FAM83H: variants seen among roughly 807,000 people sequenced by gnomAD.
The protein encoded by FAM83H is protein FAM83H.
A neutral mutation model predicts 30.2 loss-of-function variants in FAM83H; 24 were observed. The ratio of observed to expected loss-of-function variants is 0.79; its 90% confidence interval spans 0.57 to 1.12. FAM83H has a LOEUF of 1.12. Among genes scored for constraint, FAM83H ranks in the 50% most tolerant of loss-of-function variants. The pLI is 0.00. For synonymous variants in FAM83H, 1,013 were observed against 821.7 expected (o/e 1.23, Z -3.98); for missense variants, 2,038 against 1,773.9 (o/e 1.15, Z -2.67).
chr8:143,726,649 T>C lies in FAM83H; in HGVS notation c.2812A>G (p.Thr938Ala), dbSNP rs1818306053. The part of the protein sequence containing the change: ...PPVPERRGSL[T>A]LTISGESPKA... Reference sequence around the variant, plus strand: ...GGGGACTCCCCGGAGATGGTAAGGGTGAGGCTGCCCCTGCGCTCCGGCACG... The same window carrying C: ...GGGGACTCCCCGGAGATGGTAAGGGCGAGGCTGCCCCTGCGCTCCGGCACG... Residue 938 changes from threonine (T) to alanine (A), a missense_variant, in exon 5 of 5, where the codon ACC becomes GCC. Transcript: ENST00000388913. The C allele has an allele frequency of 6.3e-7, 1 of 1,597,598 alleles. No individual in the cohort carries two copies. The highest frequency in any genetic ancestry group is 8.5e-7 in the Non-Finnish European group (1 of 1,177,400).
rs1273496283 is a variant in FAM83H, at chr8:143,725,430, T to C, written c.*491A>G. Reference sequence around the variant, plus strand: ...GGCCAACATAGTGAAACCCTGTCTCTACTAAAAATACAAAAACTACCTGGG... The same window carrying C: ...GGCCAACATAGTGAAACCCTGTCTCCACTAAAAATACAAAAACTACCTGGG... On this transcript the variant is annotated 3_prime_UTR_variant, in exon 5 of 5. Transcript: ENST00000388913. 1 of 179,086 alleles carries C rather than the reference T, an allele frequency of 5.6e-6. No individual in the cohort carries two copies. Among genetic ancestry groups the C allele is most frequent in the Non-Finnish European group, 1.2e-5 (1 of 83,742 alleles). The allele number at this position is 179,086 out of a possible 1,614,324, so 11.1% of individuals were successfully genotyped here.
Position 143,727,229 on chromosome 8 carries a change from T to A in FAM83H, c.2232A>T (p.Pro744=). ...VAELLEKYKG[P]ARDPGGGAGA... is the part of the protein sequence containing the mutation. ...CCGCGCCGCCGCCGGGATCACGGGC[T>A]GGGCCCTTGTACTTCTCCAGCAGCT... is the stretch of plus-strand genomic sequence containing the variant. Residue 744 remains proline, a synonymous_variant, in exon 5 of 5, where the codon CCA becomes CCT. Transcript: ENST00000388913. 6.5e-7 allele frequency: 1 copy of A among 1,534,490 alleles called. No individual in the cohort carries two copies. The highest frequency in any genetic ancestry group is 8.7e-7 in the Non-Finnish European group (1 of 1,146,004).
chr8:143,732,720 G>A, intron 1 of FAM83H: 1 of 985,414 alleles, frequency 1.0e-6, no homozygotes, highest in Non-Finnish European at 1.2e-6. Context: ...CCTGGGCTAT[G>A]GACGGGGCTG....
In FAM83H at chr8:143,730,415, C is replaced by T; in HGVS notation, c.168G>A (p.Leu56=). ...TCACATGTTCCAGCTCTTCAGGGCA[C>T]AGGAAGTCTGGTGCCCCCTCGGTAG... is the stretch of plus-strand genomic sequence containing the variant. The part of the protein sequence containing the change: ...FLATEGAPDF[L]CPEELEHVSR... The change falls in exon 2 of 5, where the codon CTG becomes CTA. Residue 56 remains leucine, a synonymous_variant. Coordinates refer to ENST00000388913, the MANE Select transcript of FAM83H (RefSeq NM_198488.5). 1 of 1,613,136 alleles carries T rather than the reference C, an allele frequency of 6.2e-7. No individual in the cohort carries two copies. The highest frequency in any genetic ancestry group is 1.1e-5 in the South Asian group (1 of 91,084).
Position 143,728,530 on chromosome 8 carries a change from C to T in FAM83H, c.931G>A (p.Val311Ile). Residue 311 changes from valine (V) to isoleucine (I), a missense_variant, in exon 5 of 5, where the codon GTC becomes ATC. By Grantham distance (29) the Val-to-Ile change is conservative. Coordinates refer to ENST00000388913, the MANE Select transcript of FAM83H (RefSeq NM_198488.5). ...GGGGTTGGCGCCCCGACCCCAGGGA[C>T]GCCCACGAGAGGCCCGGCCCCGGCA... ...PYAGAGPLVGVPGVGAPTPFS... is the reference protein window; with the variant it reads ...PYAGAGPLVGIPGVGAPTPFS... 1 of 1,564,984 alleles carries T rather than the reference C, an allele frequency of 6.4e-7. No individual in the cohort carries two copies. Among genetic ancestry groups the T allele is most frequent in the Non-Finnish European group, 8.7e-7 (1 of 1,155,176 alleles).
Position 143,726,807 on chromosome 8 carries a change from C to T in FAM83H, c.2654G>A (p.Gly885Glu), listed in dbSNP as rs1554622077. The T allele has an allele frequency of 6.2e-7, 1 of 1,612,526 alleles. No homozygotes were observed. The highest frequency in any genetic ancestry group is 2.2e-5 in the East Asian group (1 of 44,864). Reference sequence around the variant, plus strand: ...TGGACTTCCTCTTCGAGTGGAAAACCCAGGCGTGGGGCTCCCCTTCCGCTC... The same window carrying T: ...TGGACTTCCTCTTCGAGTGGAAAACTCAGGCGTGGGGCTCCCCTTCCGCTC... ...YPERKGSPTP[G>E]FSTRRGSPTT... Residue 885 changes from glycine to glutamate, a missense_variant, in exon 5 of 5, where the codon GGG becomes GAG. Physicochemically the swap from Gly to Glu is moderately conservative, Grantham distance 98. Coordinates refer to ENST00000388913, the MANE Select transcript of FAM83H (RefSeq NM_198488.5).
chr8:143,727,188 G>A lies in FAM83H; in HGVS notation c.2273C>T (p.Ala758Val). The A allele has an allele frequency of 5.9e-6, 9 of 1,533,556 alleles. No homozygotes were observed. The highest frequency in any genetic ancestry group is 7.9e-6 in the Non-Finnish European group (9 of 1,145,480). 95.0% of individuals were successfully genotyped at this position (1,533,556 alleles called of 1,614,324 possible). Residue 758 changes from alanine (A) to valine (V), a missense_variant, in exon 5 of 5, where the codon GCC becomes GTC. Coordinates refer to ENST00000388913, the MANE Select transcript of FAM83H (RefSeq NM_198488.5). ...GGACACGACGGCCTTGCTGTGGCTG[G>A]CAACGGTGATGGCGCCCGCGCCGCC... ...PGGGAGAITV[A>V]SHSKAVVSQA...
intron 1 of FAM83H, chr8:143,732,742 G>C (rs1209192711): frequency 3.0e-6 from 3 of 985,224 alleles, no homozygotes; most frequent in African/African-American, 1.7e-5. Context: ...AGCCACTCCC[G>C]AGCCCAAGAT....
In FAM83H at chr8:143,725,567, G is replaced by T; in HGVS notation, c.*354C>A. On this transcript the variant is annotated 3_prime_UTR_variant, in exon 5 of 5. Transcript: ENST00000388913. ...GCCCAGACCGCTCAACTGCACTCCA[G>T]CCCTAGGTCTCAAAAAAATAAAGGG... 1 of 407,428 alleles carries T rather than the reference G, an allele frequency of 2.5e-6. No homozygotes were observed. The highest frequency in any genetic ancestry group is 4.5e-6 in the Non-Finnish European group (1 of 220,748). The allele number at this position is 407,428 out of a possible 1,614,324, so 25.2% of individuals were successfully genotyped here. A position where few individuals can be genotyped will look rare whatever the true frequency, so the allele number is the denominator to read the frequency against.
Position 143,727,243 on chromosome 8 carries a change from TC to T in FAM83H, c.2217del (p.Lys740SerfsTer234). ...GGATCACGGGCTGGGCCCTTGTACT[TC>T]TCCAGCAGCTCCGCCACCTTGGTGG... ...AASTKVAELL[E>X]KYKGPARDPG... is the part of the protein sequence containing the mutation. On this transcript the variant is annotated frameshift_variant, in exon 5 of 5. Transcript: ENST00000388913. LOFTEE classifies it low-confidence loss of function (END_TRUNC). 1 of 1,534,884 alleles carries T rather than the reference TC, an allele frequency of 6.5e-7. No individual in the cohort carries two copies. Among genetic ancestry groups the T allele is most frequent in the Non-Finnish European group, 8.7e-7 (1 of 1,146,270 alleles).
Position 143,727,697 on chromosome 8 carries a change from G to T in FAM83H, c.1764C>A (p.Ser588Arg). 1 of 1,557,542 alleles carries T rather than the reference G, an allele frequency of 6.4e-7. No individual in the cohort carries two copies. The highest frequency in any genetic ancestry group is 2.4e-5 in the East Asian group (1 of 41,704). ...CGCCCCCATCCTCGCCGTGGCAGCCGCTCAAGTAGGAGGCCAAACGCCAGC... is the reference window on the plus strand; with the variant it reads ...CGCCCCCATCCTCGCCGTGGCAGCCTCTCAAGTAGGAGGCCAAACGCCAGC... ...LRRWRLASYL[S>R]GCHGEDGGDD... Residue 588 changes from serine to arginine, a missense_variant, in exon 5 of 5, where the codon AGC becomes AGA. By Grantham distance (110) the Ser-to-Arg change is moderately radical. Coordinates refer to ENST00000388913, the MANE Select transcript of FAM83H (RefSeq NM_198488.5).
chr8:143,730,630 G>A (rs780546348), intron 1 of FAM83H, 33 bp from the exon 2 acceptor site: 198 of 1,415,412 alleles, frequency 1.4e-4, no homozygotes, highest in Non-Finnish European at 1.0e-4. Flanking sequence ...GACTAGGGGT[G>A]GGGGCACTGG....
chr8:143,727,314 C>T lies in FAM83H; in HGVS notation c.2147G>A (p.Ser716Asn). Reference sequence around the variant, plus strand: ...CTCTCCGCCGGGCCCCAGCGTCTCGCTGACCGTCTGCTCCTTGTGCAGCAG... The same window carrying T: ...CTCTCCGCCGGGCCCCAGCGTCTCGTTGACCGTCTGCTCCTTGTGCAGCAG... ...VQLLHKEQTV[S>N]ETLGPGGEAV... is the part of the protein sequence containing the mutation. Residue 716 changes from serine (S) to asparagine (N), a missense_variant, in exon 5 of 5, where the codon AGC becomes AAC. Ser to Asn is a conservative substitution (Grantham distance 46, BLOSUM62 1). Transcript: ENST00000388913. 1 of 1,548,544 alleles carries T rather than the reference C, an allele frequency of 6.5e-7. No homozygotes were observed. Among genetic ancestry groups the T allele is most frequent in the Non-Finnish European group, 8.7e-7 (1 of 1,153,816 alleles).
In FAM83H at chr8:143,726,943, T is replaced by C. The variant is rs782514192; in HGVS notation, c.2518A>G (p.Ser840Gly). 1 of 1,611,290 alleles carries C rather than the reference T, an allele frequency of 6.2e-7. No individual in the cohort carries two copies. Among genetic ancestry groups the C allele is most frequent in the Non-Finnish European group, 8.5e-7 (1 of 1,179,440 alleles). Residue 840 changes from serine to glycine, a missense_variant, in exon 5 of 5, where the codon AGC becomes GGC. Coordinates refer to ENST00000388913, the MANE Select transcript of FAM83H (RefSeq NM_198488.5). Reference protein sequence around the residue: ...RLPSRFLSAQSHSTSPQGLDS... With the variant: ...RLPSRFLSAQGHSTSPQGLDS... The stretch of plus-strand genomic sequence containing the variant: ...AGCCCTTGCGGGGACGTTGAGTGGC[T>C]CTGGGCAGAGAGGAAGCGGGAAGGC...
In FAM83H at chr8:143,728,017, C is replaced by A. The variant is rs1299896407; in HGVS notation, c.1444G>T (p.Gly482Cys). 1 of 1,601,694 alleles carries A rather than the reference C, an allele frequency of 6.2e-7. No individual in the cohort carries two copies. The highest frequency in any genetic ancestry group is 8.5e-7 in the Non-Finnish European group (1 of 1,178,262). Residue 482 changes from glycine (G) to cysteine (C), a missense_variant, in exon 5 of 5, where the codon GGT becomes TGT. By Grantham distance (159) the Gly-to-Cys change is radical. Transcript: ENST00000388913. ...GTGAAGTCATCCGGGTCCGCGAAAC[C>A]CGCGCGGCCCCCGCGAAGCTTCTCG... ...LFEKLRGGRA[G>C]FADPDDFTLG...
chr8:143,725,858 G>T lies in FAM83H; in HGVS notation c.*63C>A. The T allele has an allele frequency of 2.5e-6, 4 of 1,589,330 alleles. No individual in the cohort carries two copies. Among genetic ancestry groups the T allele is most frequent in the Non-Finnish European group, 3.4e-6 (4 of 1,167,082 alleles). Reference sequence around the variant, plus strand: ...GATGAGCAGGGCTCTCTGTTCCGCGGGGCTTCTGGATGACCGGGGCAGCGA... The same window carrying T: ...GATGAGCAGGGCTCTCTGTTCCGCGTGGCTTCTGGATGACCGGGGCAGCGA... On this transcript the variant is annotated 3_prime_UTR_variant, in exon 5 of 5. Transcript: ENST00000388913.
rs782323204 is a variant in FAM83H, at chr8:143,727,225, G to A, written c.2236C>T (p.Arg746Cys). The stretch of plus-strand genomic sequence containing the variant: ...GCGCCCGCGCCGCCGCCGGGATCAC[G>A]GGCTGGGCCCTTGTACTTCTCCAGC... ...ELLEKYKGPA[R>C]DPGGGAGAIT... Residue 746 changes from arginine (R) to cysteine (C), a missense_variant, in exon 5 of 5, where the codon CGT becomes TGT. Coordinates refer to ENST00000388913, the MANE Select transcript of FAM83H (RefSeq NM_198488.5). 756 of 1,533,918 alleles carry A rather than the reference G, an allele frequency of 4.9e-4. 7 individuals are homozygous for A. Among genetic ancestry groups the A allele is most frequent in the Admixed American group, 1.8e-4 (9 of 50,906 alleles).
Position 143,724,958 on chromosome 8 carries a change from C to G in FAM83H, c.*963G>C, listed in dbSNP as rs1554621048. ...CCCGTCCCCAGAGGCCTGCCCTGTC[C>G]AGCTTCCTTGCCACTCCAAGGGGCA... On this transcript the variant is annotated 3_prime_UTR_variant, in exon 5 of 5. Transcript: ENST00000388913. 6.6e-6 allele frequency: 1 copy of G among 152,242 alleles called. No individual in the cohort carries two copies. Among genetic ancestry groups the G allele is most frequent in the Non-Finnish European group, 1.5e-5 (1 of 68,150 alleles). 9.4% of individuals were successfully genotyped at this position (152,242 alleles called of 1,614,324 possible).
In FAM83H at chr8:143,723,988, G is replaced by A. The variant is rs1239963563; in HGVS notation, c.*1933C>T. The A allele has an allele frequency of 6.6e-6, 1 of 152,256 alleles. No homozygotes were observed. The highest frequency in any genetic ancestry group is 1.5e-5 in the Non-Finnish European group (1 of 68,064). 9.4% of individuals were successfully genotyped at this position (152,256 alleles called of 1,614,324 possible). A position where few individuals can be genotyped will look rare whatever the true frequency, so the allele number is the denominator to read the frequency against. ...AAATGTGCCACATCATGGTTTAGAA[G>A]AGGTGGAGGGTGCAGGCAGGAGGCT... On this transcript the variant is annotated 3_prime_UTR_variant, in exon 5 of 5. Transcript: ENST00000388913.
Sources: allele counts gnomAD v4.1 joint callset, GRCh38; gene constraint gnomAD v4.1.1; transcripts MANE v1.5; gene names NCBI Gene and HGNC (gene_info 2026-07-23, HGNC 2026-07-21).